ECT2L: variants seen among roughly 807,000 people sequenced by gnomAD.
The protein encoded by ECT2L is epithelial cell-transforming sequence 2 oncogene-like.
ECT2L carries 126 observed loss-of-function variants against 122.8 expected under a neutral mutation model. That is an observed-to-expected ratio of 1.03 (90% CI 0.89 to 1.19). The LOEUF is 1.19. Among genes scored for constraint, ECT2L ranks in the 50% most tolerant of loss-of-function variants. The probability of loss-of-function intolerance (pLI) is 0.00; values close to 1 mark genes in which losing one functional copy is unlikely to be tolerated. For missense variants in ECT2L, 1,012 were observed against 1,064.1 expected (o/e 0.95, Z 0.68); for synonymous variants, 385 against 381.8 (o/e 1.01, Z -0.10).
At chr6:138,840,019 T>C (rs530750031) in intron 5 of ECT2L, among the ~76,000 whole-genome samples, 29 of 152,334 alleles carry the variant, frequency 1.9e-4, no homozygotes, top group Middle Eastern at 3.4e-3. Flanking sequence ...GAAGACTTAC[T>C]GATAATGCTA....
At chr6:138,803,317 TAC>T (rs4052918) in intron 1 of ECT2L, among the ~76,000 whole-genome samples, 3,802 of 148,234 alleles carry the variant, frequency 0.026, 101 homozygotes, top group African/African-American at 0.071. Flanking sequence ...TATATGCATG[TAC>T]ACACACACAC....
At chr6:138,883,384 T>G (rs1185681668) in intron 16 of ECT2L, among the ~76,000 whole-genome samples, 1 of 152,262 alleles carries the variant, frequency 6.6e-6, no homozygotes, top group Non-Finnish European at 1.5e-5. Flanking sequence ...TGAGCAGGAA[T>G]ATCCAATTCC....
intron 4 of ECT2L, among the ~76,000 whole-genome samples, chr6:138,833,776 TG>T (rs1279470562): frequency 6.6e-6 from 1 of 151,574 alleles, no homozygotes; most frequent in Non-Finnish European, 1.5e-5. Flanking sequence ...TACTCCAGCC[TG>T]GGTGACAGAG....
In ECT2L at chr6:138,865,170, G is replaced by A; in HGVS notation, c.1466G>A (p.Arg489Lys). 1 of 1,608,722 alleles carries A rather than the reference G, an allele frequency of 6.2e-7. No individual in the cohort carries two copies. Among genetic ancestry groups the A allele is most frequent in the Non-Finnish European group, 8.5e-7 (1 of 1,176,044 alleles). The change falls in exon 12 of 22, where the codon AGG becomes AAG. Residue 489 changes from arginine (R) to lysine (K), a missense_variant. By Grantham distance (26) the Arg-to-Lys change is conservative. Transcript: ENST00000541398. ...GAACTGCAGAAGAGCATCAGTGGCA[G>A]GATGATAGGTAAGCAGTCTTGCTAC... ...FKELQKSISG[R>K]MIGQFMFDTM...
rs1364541746 is a variant in ECT2L at position 138,843,232 on chromosome 6, G to A, written c.595+1G>A. ...TGGGAGAAAATTGCACTACGTAAGAGTAAGTAGCATTTTAAACCTTTATAT... is the reference window on the plus strand; with the variant it reads ...TGGGAGAAAATTGCACTACGTAAGAATAAGTAGCATTTTAAACCTTTATAT... On this transcript the variant is annotated splice_donor_variant, in intron 6 of 21. Transcript: ENST00000541398. LOFTEE classifies it high-confidence loss of function. 2 of 1,587,530 alleles carry A rather than the reference G, an allele frequency of 1.3e-6. No individual in the cohort carries two copies. The highest frequency in any genetic ancestry group is 1.8e-5 in the Admixed American group (1 of 55,508).
rs757143906 is a variant in ECT2L at position 138,816,864 on chromosome 6, TCA to T, written c.179+2264_179+2265del. ...GTACAATTCAGTGGTTCCGGTACAT[TCA>T]CAGAGTTGTGTGATCATCATCACAT... is the stretch of plus-strand genomic sequence containing the variant. On this transcript the variant is annotated intron_variant, in intron 4 of 21. Transcript: ENST00000541398. 3.9e-5 allele frequency among the ~76,000 whole-genome samples: 6 copies of T among 152,328 alleles called. No individual in the cohort carries two copies. In the East Asian group the frequency reaches 9.6e-4, roughly 24 times the overall value.
chr6:138,827,361 C>CA lies in ECT2L; in HGVS notation c.180-10985dup, dbSNP rs1347711148. Reference sequence around the variant, plus strand: ...AGACTCTGTCTCAAACAAAACAAAACAAAAAACAGAAAAAAAAAACTACCC... The same window carrying CA: ...AGACTCTGTCTCAAACAAAACAAAACAAAAAAACAGAAAAAAAAAACTACCC... On this transcript the variant is annotated intron_variant, in intron 4 of 21. Transcript: ENST00000541398. Among the ~76,000 whole-genome samples the CA allele has an allele frequency of 8.0e-5, 12 of 149,832 alleles. 1 individual carries two copies. Among genetic ancestry groups the CA allele is most frequent in the Middle Eastern group, 3.4e-3 (1 of 294 alleles).
In ECT2L at chr6:138,829,815, C is replaced by T. The variant is rs535485259; in HGVS notation, c.180-8537C>T. 2.6e-5 allele frequency among the ~76,000 whole-genome samples: 4 copies of T among 152,122 alleles called. No individual in the cohort carries two copies. In the East Asian group the frequency reaches 5.8e-4, roughly 22 times the overall value. On this transcript the variant is annotated intron_variant, in intron 4 of 21. Coordinates refer to ENST00000541398, the MANE Select transcript of ECT2L (RefSeq NM_001077706.3). ...TCAGTTCACTGCAACCTCCGCCTCC[C>T]GGGTTCCAGCGACTCTCCCACCTCA...
rs1437392530 is a variant in ECT2L, at chr6:138,903,705, A to C, written c.*1078A>C. On this transcript the variant is annotated 3_prime_UTR_variant, in exon 22 of 22. Transcript: ENST00000541398. ...AAGACACTCAGAAAAACAGGTGTTG[A>C]GTAGTTTCCTGGGCCTTTAATGCTT... The C allele has an allele frequency of 6.6e-6, 1 of 152,208 alleles. No individual in the cohort carries two copies. Among genetic ancestry groups the C allele is most frequent in the Non-Finnish European group, 1.5e-5 (1 of 68,026 alleles). The allele number at this position is 152,208 out of a possible 1,614,324, so 9.4% of individuals were successfully genotyped here. A position where few individuals can be genotyped will look rare whatever the true frequency, so the allele number is the denominator to read the frequency against.
At chr6:138,882,691 A>G (rs1033291229) in intron 15 of ECT2L, 33 bp from the exon 16 acceptor site, 9 of 1,607,768 alleles carry the variant, frequency 5.6e-6, no homozygotes, top group Middle Eastern at 1.7e-4. Context: ...TCACAAGTGA[A>G]TATTTCATGC....
chr6:138,802,078 C>T (rs1005307360), intron 1 of ECT2L, among the ~76,000 whole-genome samples: 5 of 152,230 alleles, frequency 3.3e-5, no homozygotes, highest in Non-Finnish European at 7.3e-5. Flanking sequence ...CTCTTGCTCA[C>T]TCACTTGGGT....
At chr6:138,868,452 G>A (rs1778129690) in intron 13 of ECT2L, among the ~76,000 whole-genome samples, 1 of 149,514 alleles carries the variant, frequency 6.7e-6, no homozygotes, top group Non-Finnish European at 1.5e-5. Flanking sequence ...CCTGTTTTCT[G>A]TCTTGTGCTT....
At chr6:138,881,261 A>G (rs963537093) in intron 15 of ECT2L, 90 bp downstream of exon 15, 64 of 1,299,140 alleles carry the variant, frequency 4.9e-5, no homozygotes, top group Non-Finnish European at 6.3e-5. Flanking sequence ...TGGAGGTGCA[A>G]TGATGCTCTG....
intron 13 of ECT2L, among the ~76,000 whole-genome samples, chr6:138,868,582 G>A (rs1324732704): frequency 1.3e-5 from 2 of 151,944 alleles, no homozygotes; most frequent in African/African-American, 4.8e-5. Context: ...ATCTGAGAAA[G>A]TGTGACCCAG....
chr6:138,845,490 G>A (rs996545451), intron 7 of ECT2L, among the ~76,000 whole-genome samples: 1 of 152,074 alleles, frequency 6.6e-6, no homozygotes, highest in Admixed American at 6.6e-5. Flanking sequence ...GTGATCCACC[G>A]GCCTTGGCCT....
At chr6:138,840,562 A>G (rs1278797504) in intron 5 of ECT2L, among the ~76,000 whole-genome samples, 1 of 150,684 alleles carries the variant, frequency 6.6e-6, no homozygotes, top group African/African-American at 2.4e-5. Context: ...TTTCAATACG[A>G]AATTTAAATT....
At position 138,903,289 on chromosome 6, in the gene ECT2L, G is replaced by C. The variant is rs1779469073; in HGVS notation, c.*662G>C. 1 of 151,978 alleles carries C rather than the reference G, an allele frequency of 6.6e-6. No individual in the cohort carries two copies. Among genetic ancestry groups the C allele is most frequent in the African/African-American group, 2.4e-5 (1 of 41,350 alleles). The allele number at this position is 151,978 out of a possible 1,614,324, so 9.4% of individuals were successfully genotyped here. A position where few individuals can be genotyped will look rare whatever the true frequency, so the allele number is the denominator to read the frequency against. On this transcript the variant is annotated 3_prime_UTR_variant, in exon 22 of 22. Transcript: ENST00000541398. ...GGAGAAGAATCACTTGTACCCGGGA[G>C]TCGGAGGTTGTAGTAAGCTGAGATG...
intron 14 of ECT2L, among the ~76,000 whole-genome samples, chr6:138,880,218 T>C (rs1308622335): frequency 6.6e-6 from 1 of 152,168 alleles, no homozygotes; most frequent in Non-Finnish European, 1.5e-5. Context: ...GACTGGGTAA[T>C]TTGCAAAGAA....
intron 20 of ECT2L, among the ~76,000 whole-genome samples, chr6:138,899,822 T>C (rs1182516764): frequency 7.7e-6 from 1 of 130,318 alleles, no homozygotes; most frequent in African/African-American, 2.8e-5. Context: ...GGAGGGGGAA[T>C]TGGGGAGTGG....
Sources: allele counts gnomAD v4.1 joint callset (sites outside exome capture counted in the v4.1 genomes callset), GRCh38; gene constraint gnomAD v4.1.1; transcripts MANE v1.5; gene names NCBI Gene and HGNC (gene_info 2026-07-23, HGNC 2026-07-21).